The following KCNQ3 variants were observed in gnomAD, a reference collection of about 807,000 sequenced individuals.
The protein encoded by KCNQ3 is potassium voltage-gated channel subfamily Q member 3, also known as potassium voltage-gated channel subfamily KQT member 3.
A neutral mutation model predicts 92.5 loss-of-function variants in KCNQ3; 30 were observed. The ratio of observed to expected loss-of-function variants is 0.32; its 90% CI spans 0.24 to 0.44. KCNQ3 has a LOEUF of 0.44. Among genes scored for constraint, KCNQ3 ranks in the 20% least tolerant of loss-of-function variants. KCNQ3 has a pLI of 1.00. For missense variants in KCNQ3, 913 were observed against 1,140.3 expected, an observed-to-expected ratio of 0.80 and a Z score of 2.87; for synonymous variants, 450 against 468.8, an observed-to-expected ratio of 0.96 and a Z score of 0.52.
chr8:132,221,726 C>A (rs949445711), intron 1 of KCNQ3, among the ~76,000 whole-genome samples: 1 of 152,004 alleles, frequency 6.6e-6, no homozygotes, highest in African/African-American at 2.4e-5. Context: ...ATATATAGAC[C>A]AATGGAACAG....
intron 1 of KCNQ3, among the ~76,000 whole-genome samples, chr8:132,456,802 CG>C (rs1394526752): frequency 6.6e-6 from 1 of 151,960 alleles, no homozygotes; most frequent in Non-Finnish European, 1.5e-5. Context: ...TTAATAGAGA[CG>C]GGGTTTCATC....
intron 1 of KCNQ3, among the ~76,000 whole-genome samples, chr8:132,362,944 A>T (rs73345919): frequency 6.6e-6 from 1 of 152,068 alleles, no homozygotes; most frequent in Non-Finnish European, 1.5e-5. Flanking sequence ...CTAAGGCTAG[A>T]GGGAAGGAGA....
intron 1 of KCNQ3, among the ~76,000 whole-genome samples, chr8:132,279,150 G>A (rs531421774): frequency 6.6e-5 from 10 of 152,138 alleles, no homozygotes; most frequent in Admixed American, 6.5e-5. Context: ...CCCGGAAGGC[G>A]GAGTTTGCAG....
intron 1 of KCNQ3, among the ~76,000 whole-genome samples, chr8:132,291,558 C>T (rs1048571290): frequency 3.9e-5 from 6 of 152,188 alleles, no homozygotes; most frequent in Admixed American, 2.0e-4. Context: ...CATGCAACCA[C>T]GCTTAGCTCA....
intron 9 of KCNQ3, among the ~76,000 whole-genome samples, chr8:132,144,415 G>A (rs1016929119): frequency 1.3e-5 from 2 of 152,212 alleles, no homozygotes; most frequent in African/African-American, 2.4e-5. Context: ...TCTGTTCTAC[G>A]CTGTATGGAT....
At chr8:132,172,397 TACACACAC>T (rs35831322) in intron 7 of KCNQ3, among the ~76,000 whole-genome samples, 193 bp downstream of exon 7, 101 of 140,480 alleles carry the variant, frequency 7.2e-4, no homozygotes, top group Middle Eastern at 3.9e-3. Context: ...GGCACATTAA[TACACACAC>T]ACACACACAC....
At chr8:132,219,338 A>C (rs560723824) in intron 1 of KCNQ3, among the ~76,000 whole-genome samples, 1 of 152,110 alleles carries the variant, frequency 6.6e-6, no homozygotes, top group Non-Finnish European at 1.5e-5. Flanking sequence ...ATGCCCAGTG[A>C]GCTATAAGCA....
At chr8:132,356,437 G>T (rs1427312357) in intron 1 of KCNQ3, among the ~76,000 whole-genome samples, 1 of 152,130 alleles carries the variant, frequency 6.6e-6, no homozygotes, top group African/African-American at 2.4e-5. Flanking sequence ...CTACTTTGAG[G>T]CTCTGGGCCC....
intron 1 of KCNQ3, among the ~76,000 whole-genome samples, chr8:132,194,061 G>C (rs1586819376): frequency 6.6e-6 from 1 of 152,306 alleles, no homozygotes; most frequent in African/African-American, 2.4e-5. Flanking sequence ...AGCTGTCAAT[G>C]GACAGCTTTC....
chr8:132,281,531 T>TGG (rs991009138), intron 1 of KCNQ3, among the ~76,000 whole-genome samples: 8 of 110,342 alleles, frequency 7.3e-5, no homozygotes, highest in African/African-American at 2.2e-4. Flanking sequence ...TGTGTGTGTG[T>TGG]GTGTGTATAT....
chr8:132,423,268 A>G (rs1008146684), intron 1 of KCNQ3, among the ~76,000 whole-genome samples: 3 of 152,200 alleles, frequency 2.0e-5, no homozygotes, highest in Non-Finnish European at 1.5e-5. Context: ...AGAAACGACA[A>G]TAAAGTTGCC....
intron 1 of KCNQ3, among the ~76,000 whole-genome samples, chr8:132,276,248 G>T (rs963114537): frequency 1.3e-5 from 2 of 152,196 alleles, no homozygotes; most frequent in Non-Finnish European, 2.9e-5. Context: ...GACACTTTAC[G>T]TGGTTTATCT....
intron 1 of KCNQ3, among the ~76,000 whole-genome samples, chr8:132,235,832 AC>A (rs1252706023): frequency 6.6e-6 from 1 of 152,186 alleles, no homozygotes; most frequent in Admixed American, 6.5e-5. Flanking sequence ...GCCTTCCCTG[AC>A]CAATTAGAAT....
At chr8:132,341,528 C>T (rs559654142) in intron 1 of KCNQ3, among the ~76,000 whole-genome samples, 14 of 152,180 alleles carry the variant, frequency 9.2e-5, no homozygotes, top group Non-Finnish European at 1.9e-4. Context: ...GCCTTCTCGT[C>T]CCTTGGTTCC....
chr8:132,194,548 T>C (rs145693919), intron 1 of KCNQ3, among the ~76,000 whole-genome samples: 1 of 152,334 alleles, frequency 6.6e-6, no homozygotes, highest in African/African-American at 2.4e-5. Flanking sequence ...GAATGCGTTA[T>C]TGAAAAGAAT....
intron 1 of KCNQ3, among the ~76,000 whole-genome samples, chr8:132,371,870 GC>G (rs1819481132): frequency 1.3e-5 from 2 of 152,326 alleles, no homozygotes; most frequent in South Asian, 4.1e-4. Context: ...AACACATTAT[GC>G]CACTGCCCTT....
intron 9 of KCNQ3, among the ~76,000 whole-genome samples, chr8:132,153,819 G>A (rs1825710281): frequency 6.6e-6 from 1 of 152,012 alleles, no homozygotes; most frequent in African/African-American, 2.4e-5. Context: ...GAGATAGAAG[G>A]AGGAAGGAGA....
chr8:132,227,696 G>A lies in KCNQ3; in HGVS notation c.387-41515C>T, dbSNP rs1053138990. On this transcript the variant is annotated intron_variant, in intron 1 of 14. Transcript: ENST00000388996. The stretch of plus-strand genomic sequence containing the variant: ...TGCCGGGGGCAAATGACACTCTCCC[G>A]GGGCTCCAAGGAAAAATCCATAGTC... Among the ~76,000 whole-genome samples, 6 of 152,212 alleles carry A rather than the reference G, an allele frequency of 3.9e-5. No homozygotes were observed. In the South Asian group the frequency reaches 6.2e-4, roughly 16 times the overall value.
intron 1 of KCNQ3, among the ~76,000 whole-genome samples, chr8:132,307,466 T>A (rs1817461436): frequency 6.6e-6 from 1 of 152,180 alleles, no homozygotes; most frequent in African/African-American, 2.4e-5. Context: ...GGGGCTTAGT[T>A]CTTGGGTTCT....
Sources: gnomAD v4.1 joint callset for allele counts (sites outside exome capture counted in the v4.1 genomes callset) on GRCh38, gnomAD v4.1.1 for gene constraint, MANE v1.5 for transcripts, NCBI Gene and HGNC (gene_info 2026-07-23, HGNC 2026-07-21) for gene names.